The following PTPRB variants were observed in gnomAD, a reference collection of about 807,000 sequenced individuals.
PTPRB encodes the protein receptor-type tyrosine-protein phosphatase beta.
In PTPRB, 97 loss-of-function variants were observed where a neutral mutation model predicts 238.1. The ratio of observed to expected loss-of-function variants is 0.41; its 90% CI spans 0.35 to 0.48. The LOEUF (loss-of-function observed/expected upper bound fraction) is 0.48, where lower values mean the gene tolerates loss of function less well. Among genes scored for constraint, PTPRB ranks in the 20% least tolerant of loss-of-function variants. PTPRB has a pLI of 0.30. For synonymous variants in PTPRB, 970 were observed against 995.4 expected, an observed-to-expected ratio of 0.97 and a Z score of 0.48; for missense variants, 2,292 against 2,681.9, an observed-to-expected ratio of 0.85 and a Z score of 3.21.
intron 20 of PTPRB, among the ~76,000 whole-genome samples, 193 bp from the exon 21 acceptor site, chr12:70,553,213 T>C (rs1437148368): frequency 6.6e-6 from 1 of 152,124 alleles, no homozygotes; most frequent in Non-Finnish European, 1.5e-5. Flanking sequence ...TTTTCCAAAA[T>C]ACATAAATAG....
chr12:70,623,667 A>G (rs17814410), intron 2 of PTPRB, among the ~76,000 whole-genome samples: 14,027 of 152,270 alleles, frequency 0.092, 729 homozygotes, highest in Non-Finnish European at 0.12. Context: ...TTATACAATC[A>G]GATAACTGTG....
intron 4 of PTPRB, among the ~76,000 whole-genome samples, chr12:70,602,022 C>G (rs1202595742): frequency 1.3e-5 from 2 of 151,754 alleles, no homozygotes; most frequent in African/African-American, 4.8e-5. Flanking sequence ...GTCTTGATCT[C>G]CTGATGTTGT....
At position 70,524,392 on chromosome 12, in the gene PTPRB, G is replaced by A. The variant is rs1357220916; in HGVS notation, c.6625+79C>T. Reference sequence around the variant, plus strand: ...AGCCTCCCAAAGTGCTGGGATTACAGGTGTAAGCCTCTATGCCTGGCCAGA... The same window carrying A: ...AGCCTCCCAAAGTGCTGGGATTACAAGTGTAAGCCTCTATGCCTGGCCAGA... On this transcript the variant is annotated intron_variant, in intron 33 of 33. Transcript: ENST00000334414. The A allele has an allele frequency of 3.5e-6, 5 of 1,444,246 alleles. No homozygotes were observed. In the African/African-American group the frequency reaches 7.1e-5, roughly 21 times the overall value. 89.5% of individuals were successfully genotyped at this position (1,444,246 alleles called of 1,614,324 possible). A position where few individuals can be genotyped will look rare whatever the true frequency, so the allele number is the denominator to read the frequency against.
Position 70,516,540 on chromosome 12 carries a change from A to G in PTPRB, c.*4949T>C, listed in dbSNP as rs1483797740. 6.6e-6 allele frequency: 1 copy of G among 152,234 alleles called. No homozygotes were observed. The allele number at this position is 152,234 out of a possible 1,614,324, so 9.4% of individuals were successfully genotyped here. ...TGGAATGCTGTCCAACTCTGCCACA[A>G]ACTCTTAAAGCCACAATTTCATGTG... On this transcript the variant is annotated 3_prime_UTR_variant, in exon 34 of 34. Transcript: ENST00000334414.
At chr12:70,623,361 G>C (rs1473816086) in intron 2 of PTPRB, among the ~76,000 whole-genome samples, 1 of 152,060 alleles carries the variant, frequency 6.6e-6, no homozygotes, top group African/African-American at 2.4e-5. Flanking sequence ...AAAACATACT[G>C]GTTCATGAAT....
chr12:70,609,740 A>ACCC (rs1163863838), intron 3 of PTPRB: 1 of 1,553,490 alleles, frequency 6.4e-7, no homozygotes. Flanking sequence ...ATCAGCTCTG[A>ACCC]CCCCTTCTCG....
At chr12:70,525,875 G>A (rs1252098828) in intron 32 of PTPRB, among the ~76,000 whole-genome samples, 5 of 152,172 alleles carry the variant, frequency 3.3e-5, no homozygotes, top group African/African-American at 1.2e-4. Context: ...TATTAAACAA[G>A]GAGGCAAAGG....
chr12:70,606,178 C>T (rs998815008), intron 4 of PTPRB, among the ~76,000 whole-genome samples: 7 of 152,264 alleles, frequency 4.6e-5, no homozygotes, highest in Middle Eastern at 3.4e-3. Flanking sequence ...CACCTCTGCA[C>T]GAGACAACAA....
At position 70,571,950 on chromosome 12, in the gene PTPRB, T is replaced by C. The variant is rs1262786366; in HGVS notation, c.2980A>G (p.Lys994Glu). Residue 994 changes from lysine (K) to glutamate (E), a missense_variant, in exon 12 of 34, where the codon AAA (lysine) becomes GAA (glutamate). By Grantham distance (56) the Lys-to-Glu change is moderately conservative. Around this residue, in one of 4 missense-constraint regions of PTPRB, gnomAD observed 1,205 missense variants for 1,287.8 expected, o/e 0.94. Transcript: ENST00000334414. ...IKNKNNFIQT[K>E]SIPKSENECV... ...TCGTTTTCTGACTTGGGAATGCTTT[T>C]AGTTTGAATGAAGTTGTTTTTGTTT... 1.9e-6 allele frequency: 3 copies of C among 1,614,024 alleles called. No individual in the cohort carries two copies. The East Asian group carries it at 6.7e-5, about 36-fold the overall frequency.
At chr12:70,628,005 T>C (rs1885283378) in intron 2 of PTPRB, among the ~76,000 whole-genome samples, 1 of 152,154 alleles carries the variant, frequency 6.6e-6, no homozygotes, top group Non-Finnish European at 1.5e-5. Flanking sequence ...TTATTCCCTC[T>C]CCCAAATCAC....
At chr12:70,599,029 C>A (rs796579884) in intron 4 of PTPRB, among the ~76,000 whole-genome samples, 17 of 152,332 alleles carry the variant, frequency 1.1e-4, no homozygotes, top group African/African-American at 3.4e-4. Context: ...CCCATTTATA[C>A]TGTGATAAAG....
At chr12:70,572,835 G>T (rs899298350) in intron 11 of PTPRB, among the ~76,000 whole-genome samples, 1 of 151,054 alleles carries the variant, frequency 6.6e-6, no homozygotes, top group Non-Finnish European at 1.5e-5. Flanking sequence ...AAACACATAT[G>T]GTTATTTGCA....
At chr12:70,595,064 T>C (rs1480022151) in intron 5 of PTPRB, among the ~76,000 whole-genome samples, 1 of 151,662 alleles carries the variant, frequency 6.6e-6, no homozygotes, top group Non-Finnish European at 1.5e-5. Flanking sequence ...AGAGGAAGAT[T>C]TAAAAAAGAG....
In PTPRB at chr12:70,560,586, C is replaced by A; in HGVS notation, c.4432+85G>T. ...CAGGGTATATCATTATTGGCTTTAT[C>A]TCTTGTCATTAAAATCAGAATCAAA... is the stretch of plus-strand genomic sequence containing the variant. On this transcript the variant is annotated intron_variant, in intron 17 of 33. Transcript: ENST00000334414. The surrounding 1 kb of genome is among the most constrained non-coding windows in gnomAD (Gnocchi z 4.2). 1 of 1,550,360 alleles carries A rather than the reference C, an allele frequency of 6.5e-7. No homozygotes were observed. Among genetic ancestry groups the A allele is most frequent in the Non-Finnish European group, 8.8e-7 (1 of 1,141,952 alleles).
At chr12:70,530,495 CATACATAT>C (rs1873065939) in intron 32 of PTPRB, among the ~76,000 whole-genome samples, 1 of 140,126 alleles carries the variant, frequency 7.1e-6, no homozygotes, top group East Asian at 1.9e-4. Flanking sequence ...GTATTACACA[CATACATAT>C]ATACATACAC....
At position 70,538,986 on chromosome 12, in the gene PTPRB, G is replaced by A. The variant is rs1196757093; in HGVS notation, c.5807C>T (p.Ser1936Leu). Reference sequence around the variant, plus strand: ...CTCCGGCAAGAGTGCAATGTCACATGACTGGTTTCGGCCCACGTCTTTTAA... The same window carrying A: ...CTCCGGCAAGAGTGCAATGTCACATAACTGGTTTCGGCCCACGTCTTTTAA... The part of the protein sequence containing the change: ...EELKDVGRNQ[S>L]CDIALLPENR... The change falls in exon 27 of 34, where the codon TCA becomes TTA. Residue 1936 changes from serine (S) to leucine (L), a missense_variant. Ser to Leu is a moderately radical substitution (Grantham distance 145). Coordinates refer to ENST00000334414, the MANE Select transcript of PTPRB (RefSeq NM_001109754.4). The A allele has an allele frequency of 5.6e-6, 9 of 1,613,796 alleles. No homozygotes were observed. Among genetic ancestry groups the A allele is most frequent in the Middle Eastern group, 1.6e-4 (1 of 6,062 alleles).
chr12:70,572,186 T>C, intron 11 of PTPRB, 99 bp from the exon 12 acceptor site: 1 of 1,243,822 alleles, frequency 8.0e-7, no homozygotes, highest in Admixed American at 2.3e-5. Flanking sequence ...GAGTAGATTA[T>C]TATTGTGTGC....
chr12:70,551,258 T>C (rs1225289970), intron 21 of PTPRB, among the ~76,000 whole-genome samples: 1 of 152,244 alleles, frequency 6.6e-6, no homozygotes, highest in Non-Finnish European at 1.5e-5. Flanking sequence ...TGTTTCTCCC[T>C]TGTTCTTCTG....
rs75722619 is a variant in PTPRB at position 70,566,267 on chromosome 12, G to A, written c.3904+168C>T. Among the ~76,000 whole-genome samples, 662 of 152,204 alleles carry A rather than the reference G, an allele frequency of 4.3e-3. 6 individuals carry two copies. The highest frequency in any genetic ancestry group is 0.014 in the African/African-American group (585 of 41,526). ...CAGAGTGTGGTGGGCTGAGTCCTGCGTGGATAGGGCAACTGACATGGAAGT... is the reference window on the plus strand; with the variant it reads ...CAGAGTGTGGTGGGCTGAGTCCTGCATGGATAGGGCAACTGACATGGAAGT... On this transcript the variant is annotated intron_variant, in intron 15 of 33. Transcript: ENST00000334414.
Sources: gnomAD v4.1 joint callset for allele counts (sites outside exome capture counted in the v4.1 genomes callset) on GRCh38, gnomAD v4.1.1 for gene constraint, gnomAD v4.1.1 regional missense constraint, Gnocchi (gnomAD v3.1) non-coding constraint, MANE v1.5 for transcripts, NCBI Gene and HGNC (gene_info 2026-07-23, HGNC 2026-07-21) for gene names.